CHERP: variants seen among roughly 807,000 people sequenced by gnomAD.
CHERP encodes the protein calcium homeostasis endoplasmic reticulum protein.
CHERP carries 8 observed loss-of-function variants against 113.8 expected under a neutral mutation model. The observed-to-expected ratio is 0.07, with a 90% CI of 0.04 to 0.13. The LOEUF is 0.13. Among genes scored for constraint, CHERP ranks in the 10% least tolerant of loss-of-function variants. The pLI, the probability that CHERP is intolerant of heterozygous loss-of-function variation, is 1.00. For synonymous variants in CHERP, 559 were observed against 524.5 expected (o/e 1.07, Z -0.90); for missense variants, 884 against 1,298.2 (o/e 0.68, Z 4.90).
At position 16,525,761 on chromosome 19, in the gene CHERP, C is replaced by T. The variant is rs1457967368; in HGVS notation, c.1306-84G>A. On this transcript the variant is annotated intron_variant, in intron 9 of 16. Transcript: ENST00000546361. This position sits in a 1 kb window ranked among gnomAD's most constrained non-coding sequence, Gnocchi z 6.5. ...ATCACAGCGCTCGGCAGCATCACAG[C>T]GCTGGCTCAGACCATGGAGGCGCTG... 3 of 1,299,112 alleles carry T rather than the reference C, an allele frequency of 2.3e-6. No individual in the cohort carries two copies. The highest frequency in any genetic ancestry group is 3.1e-5 in the African/African-American group (2 of 65,496). The allele number at this position is 1,299,112 out of a possible 1,614,324, so 80.5% of individuals were successfully genotyped here. A position where few individuals can be genotyped will look rare whatever the true frequency, so the allele number is the denominator to read the frequency against.
Position 16,542,428 on chromosome 19 carries a change from C to G in CHERP, c.-50G>C, listed in dbSNP as rs2085787422. 1 of 1,314,680 alleles carries G rather than the reference C, an allele frequency of 7.6e-7. No homozygotes were observed. Among genetic ancestry groups the G allele is most frequent in the African/African-American group, 1.5e-5 (1 of 66,088 alleles). The allele number at this position is 1,314,680 out of a possible 1,614,324, so 81.4% of individuals were successfully genotyped here. A position where few individuals can be genotyped will look rare whatever the true frequency, so the allele number is the denominator to read the frequency against. ...CCGGCGCCACACGATCGACCACCAG[C>G]GCCGTCTGCGGAAGCCGGCCGGAAG... On this transcript the variant is annotated 5_prime_UTR_variant, in exon 1 of 17. Transcript: ENST00000546361.
Position 16,519,388 on chromosome 19 carries a change from C to T in CHERP, c.2558-36G>A, listed in dbSNP as rs368716370. The stretch of plus-strand genomic sequence containing the variant: ...AGACGCAGTCACAACCACAACAAGG[C>T]GGAGGCAGATGGGGGTGCACGTGGG... On this transcript the variant is annotated intron_variant, in intron 16 of 16. Transcript: ENST00000546361. This position sits in a 1 kb window ranked among gnomAD's most constrained non-coding sequence, Gnocchi z 6.0. 150 of 1,594,926 alleles carry T rather than the reference C, an allele frequency of 9.4e-5. No homozygotes were observed. Among genetic ancestry groups the T allele is most frequent in the Non-Finnish European group, 1.2e-4 (137 of 1,171,330 alleles).
chr19:16,521,366 T>C lies in CHERP; in HGVS notation c.2114+155A>G. ...CCTTCATTGAGGGCCACGTGTGTGC[T>C]GTGCCTGTGACACACACTTGTCACT... On this transcript the variant is annotated intron_variant, in intron 12 of 16. Coordinates refer to ENST00000546361, the MANE Select transcript of CHERP (RefSeq NM_006387.6). 4 of 644,878 alleles carry C rather than the reference T, an allele frequency of 6.2e-6. No individual in the cohort carries two copies. The East Asian group carries it at 8.5e-5, about 14-fold the overall frequency. 39.9% of individuals were successfully genotyped at this position (644,878 alleles called of 1,614,324 possible).
chr19:16,530,883 G>A lies in CHERP; in HGVS notation c.675-3C>T. On this transcript the variant is annotated splice_region_variant and splice_polypyrimidine_tract_variant and intron_variant, in intron 5 of 16. Coordinates refer to ENST00000546361, the MANE Select transcript of CHERP (RefSeq NM_006387.6). This position sits in a 1 kb window ranked among gnomAD's most constrained non-coding sequence, Gnocchi z 4.1. The stretch of plus-strand genomic sequence containing the variant: ...GCTCCCGGGCCTGCTTGCGCTGGCT[G>A]TGAGGGAGAGACTTTCCGCGCGTCA... 1 of 1,612,784 alleles carries A rather than the reference G, an allele frequency of 6.2e-7. No individual in the cohort carries two copies. The highest frequency in any genetic ancestry group is 8.5e-7 in the Non-Finnish European group (1 of 1,179,814).
At chr19:16,536,110 C>T (rs2085739589) in intron 2 of CHERP, among the ~76,000 whole-genome samples, 1 of 152,196 alleles carries the variant, frequency 6.6e-6, no homozygotes, top group African/African-American at 2.4e-5. Context: ...CACATCTGGC[C>T]AGAAAGGCAC....
At chr19:16,521,748 G>T in intron 11 of CHERP, 94 bp from the exon 12 acceptor site, 1 of 1,253,144 alleles carries the variant, frequency 8.0e-7, no homozygotes, top group Non-Finnish European at 1.1e-6. Flanking sequence ...GCAGGGCCCA[G>T]GTTCAGTGTC....
At position 16,520,680 on chromosome 19, in the gene CHERP, T is replaced by C. The variant is rs902800754; in HGVS notation, c.2201+146A>G. 35 of 1,129,880 alleles carry C rather than the reference T, an allele frequency of 3.1e-5. No homozygotes were observed. In the African/African-American group the frequency reaches 4.6e-4, roughly 15 times the overall value. 70.0% of individuals were successfully genotyped at this position (1,129,880 alleles called of 1,614,324 possible). A position where few individuals can be genotyped will look rare whatever the true frequency, so the allele number is the denominator to read the frequency against. On this transcript the variant is annotated intron_variant, in intron 13 of 16. Transcript: ENST00000546361. This position sits in a 1 kb window ranked among gnomAD's most constrained non-coding sequence, Gnocchi z 4.0. ...AATAGTGTGGCCGAGCCTGCTGCTG[T>C]GTGAATTCAGGCCTTGTGGAAAACA...
At chr19:16,526,181 G>A (rs1358831033) in intron 9 of CHERP, 1 of 156,102 alleles carries the variant, frequency 6.4e-6, no homozygotes, top group Admixed American at 6.5e-5. Context: ...CTTGTCCTGG[G>A]GTCTGCTTCT....
chr19:16,535,424 T>G lies in CHERP; in HGVS notation c.384+28A>C. 6.3e-7 allele frequency: 1 copy of G among 1,598,754 alleles called. No homozygotes were observed. The highest frequency in any genetic ancestry group is 8.5e-7 in the Non-Finnish European group (1 of 1,173,490). On this transcript the variant is annotated intron_variant, in intron 3 of 16. Coordinates refer to ENST00000546361, the MANE Select transcript of CHERP (RefSeq NM_006387.6). This position sits in a 1 kb window ranked among gnomAD's most constrained non-coding sequence, Gnocchi z 4.3. ...CAGAGGCACAGGGGAGCTGCTGGTG[T>G]CTGGCCGAGGAGGCGGCGGGCCCAT...
Position 16,533,205 on chromosome 19 carries a change from C to T in CHERP, c.385-57G>A. 4 of 1,533,138 alleles carry T rather than the reference C, an allele frequency of 2.6e-6. No homozygotes were observed. The East Asian group carries it at 7.2e-5, about 28-fold the overall frequency. 95.0% of individuals were successfully genotyped at this position (1,533,138 alleles called of 1,614,324 possible). A position where few individuals can be genotyped will look rare whatever the true frequency, so the allele number is the denominator to read the frequency against. On this transcript the variant is annotated intron_variant, in intron 3 of 16. Transcript: ENST00000546361. ...CATGAGGAGGGACCCGCAGCCTGAG[C>T]CCTCCGGCCTGGCTCAGCAGGGGCG...
rs2085605473 is a variant in CHERP, at chr19:16,520,732, G to T, written c.2201+94C>A. Reference sequence around the variant, plus strand: ...CGCCCCATAGGCACAGGCTGTGTGAGGGTGGACGTGATGAGTGTATCTGGG... The same window carrying T: ...CGCCCCATAGGCACAGGCTGTGTGATGGTGGACGTGATGAGTGTATCTGGG... On this transcript the variant is annotated intron_variant, in intron 13 of 16. Transcript: ENST00000546361. This position sits in a 1 kb window ranked among gnomAD's most constrained non-coding sequence, Gnocchi z 4.0. 1 of 1,296,952 alleles carries T rather than the reference G, an allele frequency of 7.7e-7. No individual in the cohort carries two copies. Among genetic ancestry groups the T allele is most frequent in the South Asian group, 1.2e-5 (1 of 84,664 alleles). The allele number at this position is 1,296,952 out of a possible 1,614,324, so 80.3% of individuals were successfully genotyped here.
In CHERP at chr19:16,532,456, C is replaced by A. The variant is rs1012252452; in HGVS notation, c.674+142G>T. 11 of 1,053,776 alleles carry A rather than the reference C, an allele frequency of 1.0e-5. No individual in the cohort carries two copies. Among genetic ancestry groups the A allele is most frequent in the Middle Eastern group, 3.1e-4 (1 of 3,176 alleles). The allele number at this position is 1,053,776 out of a possible 1,614,324, so 65.3% of individuals were successfully genotyped here. A position where few individuals can be genotyped will look rare whatever the true frequency, so the allele number is the denominator to read the frequency against. The stretch of plus-strand genomic sequence containing the variant: ...AGAAGCCTGGTGGCTCACAGAGACC[C>A]CCCACCCGGGGTCCCCGGACAAGTG... On this transcript the variant is annotated intron_variant, in intron 5 of 16. Transcript: ENST00000546361. The surrounding 1 kb of genome is among the most constrained non-coding windows in gnomAD (Gnocchi z 4.4).
chr19:16,537,899 T>C lies in CHERP; in HGVS notation c.200-2263A>G, dbSNP rs551664989. Among the ~76,000 whole-genome samples the C allele has an allele frequency of 9.8e-5, 15 of 152,300 alleles. No homozygotes were observed. The South Asian group carries it at 1.2e-3, about 13-fold the overall frequency. On this transcript the variant is annotated intron_variant, in intron 2 of 16. Coordinates refer to ENST00000546361, the MANE Select transcript of CHERP (RefSeq NM_006387.6). Reference sequence around the variant, plus strand: ...GCAGCGTGATGGTTCACGGTCCACATTGTTACTGTGCTTTGCAGAAGTTTT... The same window carrying C: ...GCAGCGTGATGGTTCACGGTCCACACTGTTACTGTGCTTTGCAGAAGTTTT...
intron 8 of CHERP, 133 bp from the exon 9 acceptor site, chr19:16,528,388 C>T: frequency 1.2e-6 from 1 of 813,832 alleles, no homozygotes; most frequent in Non-Finnish European, 1.8e-6. Flanking sequence ...CCCACTAAAA[C>T]CATGACTATC....
Position 16,536,550 on chromosome 19 carries a change from G to A in CHERP, c.200-914C>T, listed in dbSNP as rs1204347676. On this transcript the variant is annotated intron_variant, in intron 2 of 16. Transcript: ENST00000546361. ...TCACTGGGCGCTCAAGTCAAGTCTC[G>A]GGGCTGACTGTGCCCTCCAGTTTGT... Among the ~76,000 whole-genome samples, 4 of 152,264 alleles carry A rather than the reference G, an allele frequency of 2.6e-5. No individual in the cohort carries two copies. The South Asian group carries it at 6.2e-4, about 24-fold the overall frequency.
At chr19:16,536,146 G>A (rs778617273) in intron 2 of CHERP, among the ~76,000 whole-genome samples, 13 of 152,210 alleles carry the variant, frequency 8.5e-5, no homozygotes, top group Non-Finnish European at 1.5e-4. Context: ...AGCGCACACT[G>A]CGGCCTCCCC....
chr19:16,527,938 CT>C lies in CHERP; in HGVS notation c.1305+141del, dbSNP rs2085667571. On this transcript the variant is annotated intron_variant, in intron 9 of 16. Coordinates refer to ENST00000546361, the MANE Select transcript of CHERP (RefSeq NM_006387.6). ...GAGCCACAGGAAGACAGGGCTGTCA[CT>C]AACCCAGCATAAGCTCTGCCACAGA... 5.9e-6 allele frequency: 5 copies of C among 848,768 alleles called. No individual in the cohort carries two copies. In the Admixed American group the frequency reaches 1.4e-4, roughly 23 times the overall value. The allele number at this position is 848,768 out of a possible 1,614,324, so 52.6% of individuals were successfully genotyped here. A position where few individuals can be genotyped will look rare whatever the true frequency, so the allele number is the denominator to read the frequency against.
In CHERP at chr19:16,528,257, TA is replaced by T. The variant is rs1416159084; in HGVS notation, c.1130-3del. On this transcript the variant is annotated splice_region_variant and splice_polypyrimidine_tract_variant and intron_variant, in intron 8 of 16. Transcript: ENST00000546361. ...TCTGGATGGGAGGCTTGCTGTCATCTAAATCCAAGTGACAGGCAGTTAGAGC... is the reference window on the plus strand; with the variant it reads ...TCTGGATGGGAGGCTTGCTGTCATCTAATCCAAGTGACAGGCAGTTAGAGC... The T allele has an allele frequency of 1.3e-6, 2 of 1,566,172 alleles. No homozygotes were observed. The highest frequency in any genetic ancestry group is 1.7e-6 in the Non-Finnish European group (2 of 1,157,758).
chr19:16,542,277 G>A, intron 1 of CHERP, 77 bp downstream of exon 1: 3 of 1,286,052 alleles, frequency 2.3e-6, no homozygotes, highest in South Asian at 1.8e-5. Context: ...CCAGACCCGG[G>A]GACTCCGGGA....
Sources: allele counts gnomAD v4.1 joint callset (sites outside exome capture counted in the v4.1 genomes callset), GRCh38; gene constraint gnomAD v4.1.1; non-coding constraint Gnocchi (gnomAD v3.1); transcripts MANE v1.5; gene names NCBI Gene and HGNC (gene_info 2026-07-23, HGNC 2026-07-21).